Variants in HIVEP3 observed in about 807,000 individuals in gnomAD.
The protein encoded by HIVEP3 is transcription factor HIVEP3.
HIVEP3 carries 49 observed loss-of-function variants against 152.8 expected under a neutral mutation model. The observed-to-expected ratio is 0.32, with a 90% CI of 0.26 to 0.41. The LOEUF (loss-of-function observed/expected upper bound fraction) is 0.41. HIVEP3 is among the 10% of genes least tolerant of loss of function. The pLI is 1.00. For synonymous variants in HIVEP3, 1,269 were observed against 1,289.0 expected, an observed-to-expected ratio of 0.98 and a Z score of 0.33; for missense variants, 2,790 against 3,103.3, an observed-to-expected ratio of 0.90 and a Z score of 2.40.
intron 1 of HIVEP3, among the ~76,000 whole-genome samples, chr1:41,874,303 T>C (rs1644130845): frequency 6.6e-6 from 1 of 152,212 alleles, no homozygotes; most frequent in Admixed American, 6.5e-5. Flanking sequence ...ATGTTCATGT[T>C]CGTCTGGAAA....
At chr1:41,961,194 T>A (rs1010400148) in intron 1 of HIVEP3, among the ~76,000 whole-genome samples, 2 of 152,146 alleles carry the variant, frequency 1.3e-5, no homozygotes, top group African/African-American at 4.8e-5. Context: ...GGGGTCCACA[T>A]GAAAAAGCTG....
intron 1 of HIVEP3, among the ~76,000 whole-genome samples, chr1:41,966,411 C>T (rs61174930): frequency 0.016 from 2,373 of 151,274 alleles, 48 homozygotes; most frequent in African/African-American, 0.05. Flanking sequence ...GGCTAAATGC[C>T]CTAATTAAAA....
intron 1 of HIVEP3, among the ~76,000 whole-genome samples, chr1:41,776,278 T>G (rs1220394188): frequency 1.3e-5 from 2 of 152,228 alleles, no homozygotes; most frequent in Non-Finnish European, 2.9e-5. Flanking sequence ...CACATGTCCA[T>G]GAAGAAAAAA....
chr1:42,011,878 G>A (rs891930288), intron 1 of HIVEP3, among the ~76,000 whole-genome samples: 2 of 152,168 alleles, frequency 1.3e-5, no homozygotes, highest in Non-Finnish European at 2.9e-5. Flanking sequence ...AGTCTCTAAT[G>A]AAGACATGCT....
chr1:41,634,972 G>C (rs1449931172), intron 2 of HIVEP3, among the ~76,000 whole-genome samples: 1 of 152,156 alleles, frequency 6.6e-6, no homozygotes, highest in South Asian at 2.1e-4. Flanking sequence ...TGAAGATGTA[G>C]TTAGTAAGTT....
At chr1:41,739,350 C>T (rs56329272) in intron 1 of HIVEP3, among the ~76,000 whole-genome samples, 3 of 152,086 alleles carry the variant, frequency 2.0e-5, no homozygotes, top group Admixed American at 6.5e-5. Flanking sequence ...GTCAGAGGGT[C>T]GGTGGCAGCC....
intron 1 of HIVEP3, among the ~76,000 whole-genome samples, chr1:41,774,261 G>C (rs1648553348): frequency 1.3e-5 from 2 of 152,170 alleles, no homozygotes; most frequent in African/African-American, 2.4e-5. Context: ...GCCCAGAGAT[G>C]CCACCATCCT....
chr1:41,883,907 A>C (rs934368195), intron 1 of HIVEP3, among the ~76,000 whole-genome samples: 2 of 152,228 alleles, frequency 1.3e-5, no homozygotes, highest in African/African-American at 4.8e-5. Flanking sequence ...TTAAGAAAAA[A>C]ATGGAGTAAC....
intron 1 of HIVEP3, among the ~76,000 whole-genome samples, chr1:41,890,640 C>A (rs1277881022): frequency 6.6e-6 from 1 of 152,248 alleles, no homozygotes; most frequent in African/African-American, 2.4e-5. Context: ...AGTTAAGCAG[C>A]TTCCCCCGGA....
In HIVEP3 at chr1:41,694,378, T is replaced by G. The variant is rs145168365; in HGVS notation, c.-721+6538A>C. On this transcript the variant is annotated intron_variant, in intron 2 of 8. Transcript: ENST00000372583. ...AGACAGTGAGCTCCTTGAAGGCAGGTTCCTTGCATGGCCTATTTATACATT... is the reference window on the plus strand; with the variant it reads ...AGACAGTGAGCTCCTTGAAGGCAGGGTCCTTGCATGGCCTATTTATACATT... Among the ~76,000 whole-genome samples, 839 of 152,224 alleles carry G rather than the reference T, an allele frequency of 5.5e-3. 11 individuals are homozygous for G. The highest frequency in any genetic ancestry group is 0.019 in the African/African-American group (806 of 41,514).
At chr1:41,596,644 C>T (rs1330889004) in intron 3 of HIVEP3, among the ~76,000 whole-genome samples, 4 of 152,208 alleles carry the variant, frequency 2.6e-5, no homozygotes, top group Non-Finnish European at 4.4e-5. Flanking sequence ...GACCACCTAC[C>T]ATGCCCAAAC....
At chr1:41,599,871 AG>A (rs1422626588) in intron 3 of HIVEP3, among the ~76,000 whole-genome samples, 4 of 152,338 alleles carry the variant, frequency 2.6e-5, no homozygotes, top group African/African-American at 9.6e-5. Context: ...AACAACAAAA[AG>A]CCAAGCAAAA....
intron 1 of HIVEP3, among the ~76,000 whole-genome samples, chr1:41,707,860 G>C (rs1370927098): frequency 6.6e-6 from 1 of 152,234 alleles, no homozygotes; most frequent in Non-Finnish European, 1.5e-5. Flanking sequence ...ATGAATACAT[G>C]CTCAATAACG....
At chr1:41,985,522 GGT>G (rs1211169567) in intron 1 of HIVEP3, among the ~76,000 whole-genome samples, 1 of 152,130 alleles carries the variant, frequency 6.6e-6, no homozygotes, top group African/African-American at 2.4e-5. Flanking sequence ...TCTTCTTATA[GGT>G]GTCTCTTCTT....
intron 1 of HIVEP3, among the ~76,000 whole-genome samples, chr1:41,785,953 G>A (rs139951811): frequency 2.6e-4 from 40 of 152,254 alleles, no homozygotes; most frequent in African/African-American, 2.2e-4. Flanking sequence ...AGCCAAGACC[G>A]TGCCATTGCA....
rs774917292 is a variant in HIVEP3, at chr1:41,512,876, C to A, written c.6345G>T (p.Pro2115=). ...GGAGCTTGTGAGGTAGAGGCGCGGG[C>A]GGGAAGAGAACCCGTGGGTCCAGCC... The part of the protein sequence containing the change: ...GLGLDPRVLF[P]PAPLPHKLLS... The change falls in exon 8 of 9, where the codon CCG becomes CCT. Residue 2115 remains proline (P), a synonymous_variant. Coordinates refer to ENST00000372583, the MANE Select transcript of HIVEP3 (RefSeq NM_024503.5). The A allele has an allele frequency of 6.4e-7, 1 of 1,557,612 alleles. No homozygotes were observed. The highest frequency in any genetic ancestry group is 8.7e-7 in the Non-Finnish European group (1 of 1,148,420).
intron 1 of HIVEP3, among the ~76,000 whole-genome samples, chr1:41,804,804 TTACTCACATGCTAGATTG>T (rs1650505236): frequency 6.6e-6 from 1 of 152,100 alleles, no homozygotes; most frequent in South Asian, 2.1e-4. Context: ...ATTAGAGGAG[TTACTCACATGCTAGATTG>T]TTTTAGAGCA....
Position 41,582,138 on chromosome 1 carries a change from G to A in HIVEP3, c.2660C>T (p.Pro887Leu). 6.2e-7 allele frequency: 1 copy of A among 1,614,088 alleles called. No individual in the cohort carries two copies. ...EPEKTEEFQW[P>L]QRSQTLAQLP... Reference sequence around the variant, plus strand: ...CTGGGCAAGTGTCTGGCTGCGCTGGGGCCATTGGAACTCCTCAGTCTTCTC... The same window carrying A: ...CTGGGCAAGTGTCTGGCTGCGCTGGAGCCATTGGAACTCCTCAGTCTTCTC... The change falls in exon 4 of 9, where the codon CCC (proline) becomes CTC (leucine). Residue 887 changes from proline to leucine, a missense_variant. This residue lies in a region of HIVEP3 where 1,078 missense variants were observed against 1,165.3 expected (regional missense o/e 0.93). Transcript: ENST00000372583. This position sits in a 1 kb window ranked among gnomAD's most constrained non-coding sequence, Gnocchi z 4.7.
At chr1:41,654,020 C>T (rs1645593639) in intron 2 of HIVEP3, among the ~76,000 whole-genome samples, 1 of 145,468 alleles carries the variant, frequency 6.9e-6, no homozygotes, top group Admixed American at 6.9e-5. Context: ...CCCTCTGACT[C>T]TTCTGACTCT....
Sources: gnomAD v4.1 joint callset for allele counts (sites outside exome capture counted in the v4.1 genomes callset) on GRCh38, gnomAD v4.1.1 for gene constraint, gnomAD v4.1.1 regional missense constraint, Gnocchi (gnomAD v3.1) non-coding constraint, MANE v1.5 for transcripts, NCBI Gene and HGNC (gene_info 2026-07-23, HGNC 2026-07-21) for gene names.